Variants in CDKN2B-AS1 observed in about 807,000 individuals in gnomAD.
CDKN2B-AS1 encodes the protein CDKN2B and CDKN2A antisense cis and trans regulatory RNA 1, also known as CDKN2B antisense RNA 1 (non-protein coding).
intron 4 of CDKN2B-AS1, among the ~76,000 whole-genome samples, chr9:22,122,818 G>A (rs1211287182): frequency 6.6e-6 from 1 of 152,068 alleles, no homozygotes; most frequent in Non-Finnish European, 1.5e-5. Flanking sequence ...ATACTTTGAT[G>A]TCTGGTAGTG....
chr9:22,069,252 T>C (rs140660292), intron 4 of CDKN2B-AS1, among the ~76,000 whole-genome samples: 1 of 152,244 alleles, frequency 6.6e-6, no homozygotes, highest in East Asian at 1.9e-4. Flanking sequence ...TGACAAACCC[T>C]TGGGTAATAG....
chr9:22,061,104 T>C lies in CDKN2B-AS1; in HGVS notation n.438+4717T>C, dbSNP rs185748011. 9.8e-5 allele frequency among the ~76,000 whole-genome samples: 15 copies of C among 152,342 alleles called. No homozygotes were observed. The East Asian group carries it at 1.9e-3, about 20-fold the overall frequency. On this transcript the variant is annotated intron_variant and non_coding_transcript_variant, in intron 4 of 4. Coordinates refer to ENST00000650946, the Ensembl canonical transcript of CDKN2B-AS1. ...GTCTGGAAGTGAAGCACATTTCTTT[T>C]TCTTGCAACTGATTGGCCAGAACCA... is the stretch of plus-strand genomic sequence containing the variant.
chr9:22,027,329 A>G (rs912816937), intron 1 of CDKN2B-AS1, among the ~76,000 whole-genome samples: 4 of 152,298 alleles, frequency 2.6e-5, no homozygotes, highest in Non-Finnish European at 5.9e-5. Flanking sequence ...TTGCTTTTAT[A>G]TAAGGAACAT....
intron 3 of CDKN2B-AS1, among the ~76,000 whole-genome samples, chr9:22,050,073 T>C (rs1823281452): frequency 6.6e-6 from 1 of 152,182 alleles, no homozygotes; most frequent in Non-Finnish European, 1.5e-5. Context: ...AGTTGATTGC[T>C]AAGTCTGTAT....
chr9:22,024,165 T>C (rs1379552230), intron 1 of CDKN2B-AS1, among the ~76,000 whole-genome samples: 6 of 152,204 alleles, frequency 3.9e-5, no homozygotes, highest in Non-Finnish European at 5.9e-5. Context: ...TGTTATAAGG[T>C]CAATTCAACC....
At chr9:22,012,035 GTAA>G (rs1203153564) in intron 1 of CDKN2B-AS1, 1 of 559,056 alleles carries the variant, frequency 1.8e-6, no homozygotes, top group African/African-American at 1.9e-5. Flanking sequence ...CAGATCACTA[GTAA>G]TAATATTTTT....
chr9:22,013,097 C>T (rs896571818), intron 1 of CDKN2B-AS1, among the ~76,000 whole-genome samples: 1 of 152,178 alleles, frequency 6.6e-6, no homozygotes, highest in Non-Finnish European at 1.5e-5. Flanking sequence ...TCCCTCTGTG[C>T]ACACGTGCCC....
intron 4 of CDKN2B-AS1, among the ~76,000 whole-genome samples, chr9:22,093,881 G>T (rs1288576288): frequency 1.4e-5 from 2 of 144,356 alleles, no homozygotes; most frequent in African/African-American, 5.8e-5. Context: ...TGGTTATTTT[G>T]CTCATTAGTT....
intron 4 of CDKN2B-AS1, among the ~76,000 whole-genome samples, chr9:22,099,313 A>G (rs928592078): frequency 3.9e-5 from 6 of 152,204 alleles, no homozygotes; most frequent in South Asian, 4.1e-4. Context: ...TGTGGACTTC[A>G]TCTTGTAGCA....
chr9:22,084,634 T>G (rs10122192), intron 4 of CDKN2B-AS1, among the ~76,000 whole-genome samples: 8 of 152,146 alleles, frequency 5.3e-5, no homozygotes, highest in African/African-American at 1.9e-4. Flanking sequence ...CAAATTGTTT[T>G]GTGGGGCATA....
At chr9:22,048,905 T>C (rs1242822138) in intron 2 of CDKN2B-AS1, among the ~76,000 whole-genome samples, 1 of 152,210 alleles carries the variant, frequency 6.6e-6, no homozygotes, top group Non-Finnish European at 1.5e-5. Flanking sequence ...TTCTTGCCTC[T>C]TAGGGATAGT....
intron 1 of CDKN2B-AS1, chr9:22,008,820 C>A (rs1821333323): frequency 1.2e-6 from 2 of 1,606,720 alleles, no homozygotes; most frequent in Admixed American, 3.4e-5. Context: ...CCTCCCGAAA[C>A]GGTTGACTCC....
At position 21,999,614 on chromosome 9, in the gene CDKN2B-AS1, A is replaced by G. The variant is rs952767050; in HGVS notation, n.29+4453A>G. On this transcript the variant is annotated intron_variant and non_coding_transcript_variant, in intron 1 of 4. Coordinates refer to ENST00000650946, the Ensembl canonical transcript of CDKN2B-AS1. This position sits in a 1 kb window ranked among gnomAD's most constrained non-coding sequence, Gnocchi z 4.7. The stretch of plus-strand genomic sequence containing the variant: ...TTCAGCTAAAGCAATTCACTCCTAT[A>G]TAAATTGCTACAGATAACTTGTATA... Among the ~76,000 whole-genome samples, 3 of 152,134 alleles carry G rather than the reference A, an allele frequency of 2.0e-5. No homozygotes were observed. The highest frequency in any genetic ancestry group is 7.2e-5 in the African/African-American group (3 of 41,438).
At chr9:22,002,345 T>C (rs1483988660) in intron 1 of CDKN2B-AS1, among the ~76,000 whole-genome samples, 1 of 152,012 alleles carries the variant, frequency 6.6e-6, no homozygotes, top group African/African-American at 2.4e-5. Flanking sequence ...CCACTTTTGA[T>C]AGAGTGGCAA....
At chr9:22,090,194 A>G (rs1001431835) in intron 4 of CDKN2B-AS1, among the ~76,000 whole-genome samples, 10 of 152,088 alleles carry the variant, frequency 6.6e-5, no homozygotes, top group African/African-American at 2.2e-4. Context: ...TCCATGGTGT[A>G]TATGTGCCAC....
chr9:22,089,483 G>A (rs774140876), intron 4 of CDKN2B-AS1, among the ~76,000 whole-genome samples: 28 of 152,054 alleles, frequency 1.8e-4, no homozygotes, highest in Admixed American at 8.5e-4. Context: ...AGGCTGGACC[G>A]GAGTGGCTCA....
chr9:22,083,765 T>C (rs1384103117), intron 4 of CDKN2B-AS1, among the ~76,000 whole-genome samples: 2 of 152,196 alleles, frequency 1.3e-5, no homozygotes, highest in Non-Finnish European at 2.9e-5. Context: ...GGTAAGATGC[T>C]GAGTTCAGTT....
chr9:22,122,246 G>C (rs546358754), intron 4 of CDKN2B-AS1, among the ~76,000 whole-genome samples: 1 of 151,654 alleles, frequency 6.6e-6, no homozygotes, highest in Non-Finnish European at 1.5e-5. Context: ...TCTTTAATTA[G>C]ATTGTTTTTA....
chr9:22,067,358 G>T (rs1824090187), intron 4 of CDKN2B-AS1, among the ~76,000 whole-genome samples: 1 of 152,144 alleles, frequency 6.6e-6, no homozygotes, highest in East Asian at 1.9e-4. Context: ...ACTTAGTGCT[G>T]CCAAGGCTGT....
Sources: allele counts gnomAD v4.1 joint callset (sites outside exome capture counted in the v4.1 genomes callset), GRCh38; gene constraint gnomAD v4.1.1; non-coding constraint Gnocchi (gnomAD v3.1); transcripts MANE v1.5; gene names NCBI Gene and HGNC (gene_info 2026-07-23, HGNC 2026-07-21).